The following LIN28B variants were observed in gnomAD, a reference collection of about 807,000 sequenced individuals.
The protein encoded by LIN28B is lin-28 RNA binding posttranscriptional regulator B.
A neutral mutation model predicts 21.9 loss-of-function variants in LIN28B; 5 were observed. That is an observed-to-expected ratio of 0.23 (90% confidence interval 0.12 to 0.48). The LOEUF is 0.48. Among genes scored for constraint, LIN28B ranks in the 20% least tolerant of loss-of-function variants. LIN28B has a pLI of 0.98. For missense variants in LIN28B, 245 were observed against 310.5 expected, an observed-to-expected ratio of 0.79 and a Z score of 1.58; for synonymous variants, 109 against 111.3, an observed-to-expected ratio of 0.98 and a Z score of 0.13.
chr6:105,075,259 A>C (rs148965730), intron 3 of LIN28B, among the ~76,000 whole-genome samples: 123 of 152,328 alleles, frequency 8.1e-4, no homozygotes, highest in African/African-American at 2.6e-3. Flanking sequence ...CATTCCAACT[A>C]CAAAGGCAAA....
At chr6:105,026,183 A>G (rs1771284160) in intron 2 of LIN28B, 115 bp from the exon 3 acceptor site, 3 of 534,256 alleles carry the variant, frequency 5.6e-6, no homozygotes, top group South Asian at 5.7e-5. Context: ...AAGACTTTAT[A>G]CTTTTGTAAT....
chr6:105,067,639 G>C (rs1055089592), intron 3 of LIN28B, among the ~76,000 whole-genome samples: 1 of 152,132 alleles, frequency 6.6e-6, no homozygotes, highest in Non-Finnish European at 1.5e-5. Context: ...TCATGTAAGA[G>C]AGAGATAACA....
intron 2 of LIN28B, among the ~76,000 whole-genome samples, chr6:104,958,544 A>G (rs1225742612): frequency 6.6e-6 from 1 of 152,184 alleles, no homozygotes; most frequent in East Asian, 1.9e-4. Flanking sequence ...CCCCTGCTTC[A>G]TTCTACAGCG....
chr6:104,993,613 A>G (rs1465261809), intron 2 of LIN28B, among the ~76,000 whole-genome samples: 1 of 152,100 alleles, frequency 6.6e-6, no homozygotes, highest in African/African-American at 2.4e-5. Context: ...AGGTGGGTGG[A>G]TTGCTCGAGG....
chr6:105,005,295 G>A (rs1170416080), intron 2 of LIN28B, among the ~76,000 whole-genome samples: 1 of 151,868 alleles, frequency 6.6e-6, no homozygotes, highest in Non-Finnish European at 1.5e-5. Flanking sequence ...TTATTCTGAG[G>A]TTTCACAGTG....
intron 2 of LIN28B, among the ~76,000 whole-genome samples, chr6:104,985,317 TTGA>T (rs1770312170): frequency 6.6e-6 from 1 of 152,128 alleles, no homozygotes; most frequent in Non-Finnish European, 1.5e-5. Flanking sequence ...AATACTAGGT[TTGA>T]TGAGGAGTGG....
chr6:105,070,165 T>C (rs1419757562), intron 3 of LIN28B, among the ~76,000 whole-genome samples: 2 of 152,204 alleles, frequency 1.3e-5, no homozygotes, highest in Non-Finnish European at 2.9e-5. Context: ...CACCATCTCC[T>C]GGGAAACTTT....
chr6:104,966,195 A>G (rs901738476), intron 2 of LIN28B, among the ~76,000 whole-genome samples: 1 of 152,180 alleles, frequency 6.6e-6, no homozygotes, highest in Non-Finnish European at 1.5e-5. Context: ...GAGAAAAAAA[A>G]CCATGGGAAT....
At chr6:104,989,298 C>CA (rs1322737457) in intron 2 of LIN28B, among the ~76,000 whole-genome samples, 1 of 152,148 alleles carries the variant, frequency 6.6e-6, no homozygotes, top group Non-Finnish European at 1.5e-5. Flanking sequence ...CGGCTTACTG[C>CA]AACCTCCACC....
At chr6:104,952,952 C>G (rs1480456124), upstream of LIN28B, among the ~76,000 whole-genome samples, 2 of 152,122 alleles carry the variant, frequency 1.3e-5, no homozygotes, top group Admixed American at 1.3e-4. Flanking sequence ...AAAAGCAAAG[C>G]GACCCAACTA....
At chr6:105,078,324 A>AT in intron 3 of LIN28B, 90 bp from the exon 4 acceptor site, 1 of 1,164,634 alleles carries the variant, frequency 8.6e-7, no homozygotes. Context: ...AGCTTATCTC[A>AT]TTGGTAGTTT....
At chr6:105,027,090 C>T (rs1771301135) in intron 3 of LIN28B, among the ~76,000 whole-genome samples, 1 of 152,036 alleles carries the variant, frequency 6.6e-6, no homozygotes, top group Non-Finnish European at 1.5e-5. Context: ...TAGGCTACCT[C>T]ATGTATTTTG....
intron 2 of LIN28B, among the ~76,000 whole-genome samples, chr6:104,996,537 A>G (rs1018315932): frequency 2.6e-5 from 4 of 152,230 alleles, no homozygotes; most frequent in African/African-American, 7.2e-5. Context: ...GCAAAGGCTT[A>G]GAGGCAGAGA....
intron 2 of LIN28B, among the ~76,000 whole-genome samples, chr6:104,991,457 C>T (rs1261397108): frequency 5.3e-5 from 8 of 150,704 alleles, no homozygotes; most frequent in Non-Finnish European, 1.0e-4. Flanking sequence ...AGACGATGGG[C>T]GGCTGGGCAG....
intron 2 of LIN28B, among the ~76,000 whole-genome samples, chr6:104,994,247 G>A (rs1231542458): frequency 6.6e-6 from 1 of 151,916 alleles, no homozygotes; most frequent in Non-Finnish European, 1.5e-5. Context: ...CTCGTGATCC[G>A]CCCGCCTCGG....
chr6:104,960,461 T>A (rs1769710141), intron 2 of LIN28B, among the ~76,000 whole-genome samples: 1 of 152,128 alleles, frequency 6.6e-6, no homozygotes. Context: ...ATACCAGGTT[T>A]TATGTCTATG....
intron 3 of LIN28B, among the ~76,000 whole-genome samples, chr6:105,060,236 G>T (rs561269661): frequency 4.3e-4 from 66 of 151,748 alleles, no homozygotes; most frequent in Non-Finnish European, 7.8e-4. Context: ...CAAGGTGAAG[G>T]TGACTGATTT....
At position 105,026,307 on chromosome 6, in the gene LIN28B, T is replaced by G; in HGVS notation, c.208T>G (p.Phe70Val). Residue 70 changes from phenylalanine to valine, a missense_variant, in exon 3 of 4, where the codon TTC becomes GTC. Phe to Val is a conservative substitution (Grantham distance 50, BLOSUM62 -1). Coordinates refer to ENST00000345080, the MANE Select transcript of LIN28B (RefSeq NM_001004317.4). ...VDVFVHQSKL[F>V]MEGFRSLKEG... ...CTTCTGCTCTTTACAGAGCAAACTA[T>G]TCATGGAAGGATTTAGAAGCCTAAA... 6.3e-7 allele frequency: 1 copy of G among 1,599,900 alleles called. No individual in the cohort carries two copies. The highest frequency in any genetic ancestry group is 8.5e-7 in the Non-Finnish European group (1 of 1,174,162).
chr6:104,998,363 TAAAC>T (rs1770654801), intron 2 of LIN28B, among the ~76,000 whole-genome samples: 1 of 152,198 alleles, frequency 6.6e-6, no homozygotes. Context: ...TTTTCAGTGT[TAAAC>T]AGAACATACT....
Sources: gnomAD v4.1 joint callset for allele counts (sites outside exome capture counted in the v4.1 genomes callset) on GRCh38, gnomAD v4.1.1 for gene constraint, MANE v1.5 for transcripts, NCBI Gene and HGNC (gene_info 2026-07-23, HGNC 2026-07-21) for gene names.